CSMD1: variants seen among roughly 807,000 people sequenced by gnomAD.
CSMD1 encodes CUB and sushi domain-containing protein 1.
A neutral mutation model predicts 417.5 loss-of-function variants in CSMD1; 213 were observed. The observed-to-expected ratio is 0.51, with a 90% CI of 0.46 to 0.57. The LOEUF is 0.57. Ranked by LOEUF, CSMD1 falls within the 20% of genes least tolerant of loss-of-function variation. The pLI is 0.00. For missense variants in CSMD1, 6,923 were observed against 4,529.7 expected (o/e 1.53, Z -15.17); for synonymous variants, 2,862 against 1,736.8 (o/e 1.65, Z -16.11).
Position 2,995,925 on chromosome 8 carries a change from A to C in CSMD1, c.8377+2086T>G, listed in dbSNP as rs149434651. ...GAGGTTGGGATGCGTGGGTGTGTTT[A>C]TAAGCGGAGTAAGGCGGATTCTAGT... On this transcript the variant is annotated intron_variant, in intron 54 of 69. Coordinates refer to ENST00000635120, the MANE Select transcript of CSMD1 (RefSeq NM_033225.6). 5.9e-3 allele frequency among the ~76,000 whole-genome samples: 892 copies of C among 152,334 alleles called. 8 individuals carry two copies. The highest frequency in any genetic ancestry group is 0.02 in the African/African-American group (851 of 41,564).
intron 5 of CSMD1, among the ~76,000 whole-genome samples, chr8:3,891,709 G>C (rs187985086): frequency 1.3e-5 from 2 of 151,882 alleles, no homozygotes; most frequent in Non-Finnish European, 2.9e-5. Flanking sequence ...GATTAACTCA[G>C]TCTCCTAACA....
At chr8:3,847,550 G>C (rs1319169343) in intron 5 of CSMD1, among the ~76,000 whole-genome samples, 1 of 152,216 alleles carries the variant, frequency 6.6e-6, no homozygotes, top group Non-Finnish European at 1.5e-5. Context: ...CAGACTGAAG[G>C]AGTCCTTGAC....
intron 23 of CSMD1, 122 bp downstream of exon 23, chr8:3,343,172 T>C (rs983915220): frequency 4.9e-5 from 37 of 752,334 alleles, no homozygotes; most frequent in Middle Eastern, 3.6e-4. Context: ...AGAATTAAAC[T>C]GCAATCAAAA....
chr8:3,779,701 C>A (rs963983150), intron 5 of CSMD1, among the ~76,000 whole-genome samples: 1 of 152,036 alleles, frequency 6.6e-6, no homozygotes, highest in East Asian at 1.9e-4. Context: ...ACAACACTAT[C>A]TAGCGCATAT....
intron 2 of CSMD1, among the ~76,000 whole-genome samples, chr8:4,499,574 A>T (rs1336735205): frequency 1.9e-4 from 29 of 152,236 alleles, no homozygotes; most frequent in Admixed American, 1.9e-3. Flanking sequence ...GGGCAATAAT[A>T]AAACAAAGAT....
chr8:3,408,312 G>T, intron 13 of CSMD1, 87 bp from the exon 14 acceptor site: 1 of 968,304 alleles, frequency 1.0e-6, no homozygotes, highest in Non-Finnish European at 1.5e-6. Context: ...ACCTGGAAAG[G>T]CAATTCATGC....
At chr8:3,494,889 G>A (rs112135587) in intron 10 of CSMD1, among the ~76,000 whole-genome samples, 1 of 152,196 alleles carries the variant, frequency 6.6e-6, no homozygotes, top group Non-Finnish European at 1.5e-5. Context: ...TGAAAGAAAA[G>A]AGTAAGTGGT....
At chr8:4,279,613 G>C (rs1010152032) in intron 3 of CSMD1, among the ~76,000 whole-genome samples, 1 of 152,168 alleles carries the variant, frequency 6.6e-6, no homozygotes, top group Non-Finnish European at 1.5e-5. Context: ...TCAATGAAAG[G>C]ATAAATGCTT....
chr8:4,448,592 A>G (rs1001825031), intron 2 of CSMD1, among the ~76,000 whole-genome samples: 1 of 152,204 alleles, frequency 6.6e-6, no homozygotes, highest in East Asian at 1.9e-4. Context: ...GTGCAATTTT[A>G]AAGTCTTAGT....
At chr8:4,017,339 C>G (rs750060659) in intron 4 of CSMD1, among the ~76,000 whole-genome samples, 1 of 152,070 alleles carries the variant, frequency 6.6e-6, no homozygotes, top group Non-Finnish European at 1.5e-5. Flanking sequence ...AAGTTTCGCT[C>G]TTGTTGCCCA....
chr8:3,021,490 T>C (rs188499387), intron 51 of CSMD1, among the ~76,000 whole-genome samples: 3 of 152,354 alleles, frequency 2.0e-5, no homozygotes, highest in Non-Finnish European at 2.9e-5. Context: ...TCCTCTGAAG[T>C]TTCTAAAAAT....
In CSMD1 at chr8:3,134,754, T is replaced by C. The variant is rs920943871; in HGVS notation, c.6241+7711A>G. 2.0e-5 allele frequency among the ~76,000 whole-genome samples: 3 copies of C among 152,172 alleles called. No homozygotes were observed. The East Asian group carries it at 5.8e-4, about 29-fold the overall frequency. Reference sequence around the variant, plus strand: ...CTACTACTTTGGTGTCTAGCAGACTTGATTCCAAATCATACTTCCACAGGC... The same window carrying C: ...CTACTACTTTGGTGTCTAGCAGACTCGATTCCAAATCATACTTCCACAGGC... On this transcript the variant is annotated intron_variant, in intron 41 of 69. Coordinates refer to ENST00000635120, the MANE Select transcript of CSMD1 (RefSeq NM_033225.6).
chr8:4,380,163 G>A (rs969919146), intron 3 of CSMD1, among the ~76,000 whole-genome samples: 1 of 152,138 alleles, frequency 6.6e-6, no homozygotes, highest in African/African-American at 2.4e-5. Context: ...TCAGAAGGTG[G>A]CATGTAACTC....
chr8:3,096,938 C>G lies in CSMD1; in HGVS notation c.7049G>C (p.Ser2350Thr). ...GTTGTAGTTTGGTTCCACTTTAATA[C>G]TCCAAGAGCAAGTCTGGGAGTTAAA... ...NYFNSQTCSW[S>T]IKVEPNYNIT... Residue 2350 changes from serine (S) to threonine (T), a missense_variant, in exon 47 of 70, where the codon AGT (serine) becomes ACT (threonine). Transcript: ENST00000635120. 1 of 1,556,098 alleles carries G rather than the reference C, an allele frequency of 6.4e-7. No individual in the cohort carries two copies. The highest frequency in any genetic ancestry group is 8.7e-7 in the Non-Finnish European group (1 of 1,148,710).
chr8:4,470,240 G>C lies in CSMD1; in HGVS notation c.303-50175C>G, dbSNP rs188373418. Among the ~76,000 whole-genome samples the C allele has an allele frequency of 9.9e-5, 15 of 152,010 alleles. No individual in the cohort carries two copies. The East Asian group carries it at 2.9e-3, about 30-fold the overall frequency. On this transcript the variant is annotated intron_variant, in intron 2 of 69. Coordinates refer to ENST00000635120, the MANE Select transcript of CSMD1 (RefSeq NM_033225.6). Reference sequence around the variant, plus strand: ...CTCTGATATTTTTCAGCCCTGCCAGGTCCATTTCCCATCAGGGGCTCCTCC... The same window carrying C: ...CTCTGATATTTTTCAGCCCTGCCAGCTCCATTTCCCATCAGGGGCTCCTCC...
At chr8:3,573,308 C>T (rs900576929) in intron 10 of CSMD1, among the ~76,000 whole-genome samples, 1 of 152,098 alleles carries the variant, frequency 6.6e-6, no homozygotes, top group Admixed American at 6.5e-5. Context: ...ATTGCAAGTA[C>T]TGAAAAATAA....
At chr8:4,778,619 C>A (rs985036503) in intron 1 of CSMD1, among the ~76,000 whole-genome samples, 1 of 152,184 alleles carries the variant, frequency 6.6e-6, no homozygotes, top group Non-Finnish European at 1.5e-5. Context: ...CCTACTTCTA[C>A]CACTATTGAC....
intron 2 of CSMD1, among the ~76,000 whole-genome samples, chr8:4,459,106 C>G (rs556974255): frequency 3.9e-5 from 6 of 152,322 alleles, no homozygotes; most frequent in East Asian, 1.9e-4. Context: ...GGGTACGCTT[C>G]TAACCAGGAG....
chr8:4,051,829 CTCTT>C (rs1293984803), intron 3 of CSMD1, among the ~76,000 whole-genome samples: 2 of 149,178 alleles, frequency 1.3e-5, no homozygotes, highest in Non-Finnish European at 3.0e-5. Context: ...TCTCTTTCTT[CTCTT>C]TCTTTTCTTT....
Sources: gnomAD v4.1 joint callset for allele counts (sites outside exome capture counted in the v4.1 genomes callset) on GRCh38, gnomAD v4.1.1 for gene constraint, MANE v1.5 for transcripts, NCBI Gene and HGNC (gene_info 2026-07-23, HGNC 2026-07-21) for gene names.